Variants in PREPL observed in about 807,000 individuals in gnomAD.
PREPL encodes the protein prolyl endopeptidase like.
In PREPL, 77 loss-of-function variants were observed where a neutral mutation model predicts 70.6. The observed-to-expected ratio is 1.09, with a 90% CI of 0.91 to 1.32. PREPL has a LOEUF of 1.32. PREPL is among the 40% of genes most tolerant of loss of function. The probability of loss-of-function intolerance (pLI) is 0.00; values close to 1 mark genes in which losing one functional copy is unlikely to be tolerated. For missense variants in PREPL, 1,002 were observed against 778.2 expected (o/e 1.29, Z -3.42); for synonymous variants, 315 against 264.8 (o/e 1.19, Z -1.84).
intron 1 of PREPL, among the ~76,000 whole-genome samples, chr2:44,358,093 G>C (rs903757769): frequency 6.6e-6 from 1 of 152,042 alleles, no homozygotes; most frequent in Admixed American, 6.6e-5. Context: ...ACAAAAACTA[G>C]AAAAACTGAG....
rs1674872301 is a variant in PREPL, at chr2:44,338,527, T to C, written c.712A>G (p.Thr238Ala). ...GEPTEFKLMR[T>A]AADTPAIMNW... ...ATAATTGCAGGGGTATCAGCCGCTG[T>C]TCTCATTAGCTACGTGGAACAAAGT... Residue 238 changes from threonine (T) to alanine (A), a missense_variant, in exon 7 of 14, where the codon ACA (threonine) becomes GCA (alanine). Physicochemically the swap from Thr to Ala is moderately conservative, Grantham distance 58 (BLOSUM62 0). Transcript: ENST00000409411. 1.2e-6 allele frequency: 2 copies of C among 1,606,726 alleles called. No homozygotes were observed. Among genetic ancestry groups the C allele is most frequent in the Non-Finnish European group, 1.7e-6 (2 of 1,178,332 alleles).
chr2:44,347,757 G>A (rs1327206931), intron 1 of PREPL, among the ~76,000 whole-genome samples: 2 of 152,180 alleles, frequency 1.3e-5, no homozygotes, highest in Admixed American at 1.3e-4. Flanking sequence ...CTTTGGTAAG[G>A]ATCGCCAACA....
chr2:44,326,675 C>A, intron 10 of PREPL, 37 bp downstream of exon 10: 1 of 1,585,326 alleles, frequency 6.3e-7, no homozygotes, highest in South Asian at 1.1e-5. Flanking sequence ...TTCACACCTC[C>A]CCCATTCTAT....
intron 6 of PREPL, 147 bp downstream of exon 6, chr2:44,339,000 C>T: frequency 1.5e-6 from 2 of 1,303,048 alleles, no homozygotes; most frequent in Middle Eastern, 2.8e-4. Flanking sequence ...GAGGCATTAG[C>T]TCTAAGGGAA....
chr2:44,348,097 C>T (rs1193341346), intron 1 of PREPL, among the ~76,000 whole-genome samples: 1 of 151,862 alleles, frequency 6.6e-6, no homozygotes, highest in Non-Finnish European at 1.5e-5. Context: ...ACTATGTTGC[C>T]CAGGCTGGAC....
chr2:44,338,671 C>G (rs1264861542), intron 6 of PREPL, 135 bp from the exon 7 acceptor site: 1 of 745,946 alleles, frequency 1.3e-6, no homozygotes, highest in African/African-American at 1.8e-5. Flanking sequence ...AACGCTGCAT[C>G]AGGGATAAAG....
At chr2:44,348,915 G>A (rs531076973) in intron 1 of PREPL, among the ~76,000 whole-genome samples, 4 of 152,256 alleles carry the variant, frequency 2.6e-5, no homozygotes, top group East Asian at 1.9e-4. Context: ...TATCATTAGC[G>A]TACACAGCTA....
chr2:44,329,570 A>G (rs563558804), intron 8 of PREPL, among the ~76,000 whole-genome samples: 1 of 152,224 alleles, frequency 6.6e-6, no homozygotes, highest in East Asian at 1.9e-4. Context: ...AATTTTCTAT[A>G]TCCTCTGTAG....
intron 1 of PREPL, chr2:44,360,565 G>A (rs1346193984): frequency 6.6e-6 from 1 of 152,186 alleles, no homozygotes; most frequent in Non-Finnish European, 1.5e-5. Context: ...GGTTTGTCAG[G>A]AGGTAGCTTT....
Position 44,320,155 on chromosome 2 carries a change from T to A in PREPL, c.*1201A>T. ...TATATTAAAAATACTTACAAACAAT[T>A]CTTAGAATCAAACACTTACGTAAAT... On this transcript the variant is annotated 3_prime_UTR_variant, in exon 14 of 14. Coordinates refer to ENST00000409411, the MANE Select transcript of PREPL (RefSeq NM_001171613.2). 6.7e-7 allele frequency: 1 copy of A among 1,487,092 alleles called. No homozygotes were observed. 92.1% of individuals were successfully genotyped at this position (1,487,092 alleles called of 1,614,324 possible). A position where few individuals can be genotyped will look rare whatever the true frequency, so the allele number is the denominator to read the frequency against.
rs1424026668 is a variant in PREPL at position 44,320,738 on chromosome 2, ATTCT to A, written c.*614_*617del. On this transcript the variant is annotated 3_prime_UTR_variant, in exon 14 of 14. Coordinates refer to ENST00000409411, the MANE Select transcript of PREPL (RefSeq NM_001171613.2). ...CATGCTGCTTGGTGAACAATCATTA[ATTCT>A]TCGATATTTCTGTAGCTTGAATGTA... 6 of 923,192 alleles carry A rather than the reference ATTCT, an allele frequency of 6.5e-6. No individual in the cohort carries two copies. Among genetic ancestry groups the A allele is most frequent in the African/African-American group, 1.6e-5 (1 of 61,338 alleles). The allele number at this position is 923,192 out of a possible 1,614,324, so 57.2% of individuals were successfully genotyped here.
rs775282816 is a variant in PREPL, at chr2:44,323,456, T to C, written c.1480-45A>G. ...ACTTATACTTCAAGTAAGAGGTTGGTAAGTGAGTTTCAGAAAAACATTCTA... is the reference window on the plus strand; with the variant it reads ...ACTTATACTTCAAGTAAGAGGTTGGCAAGTGAGTTTCAGAAAAACATTCTA... On this transcript the variant is annotated intron_variant, in intron 10 of 13. Transcript: ENST00000409411. 4 of 1,468,768 alleles carry C rather than the reference T, an allele frequency of 2.7e-6. No homozygotes were observed. In the Admixed American group the frequency reaches 6.7e-5, roughly 24 times the overall value. 91.0% of individuals were successfully genotyped at this position (1,468,768 alleles called of 1,614,324 possible).
chr2:44,329,629 A>T (rs770562337), intron 8 of PREPL, among the ~76,000 whole-genome samples: 1 of 152,196 alleles, frequency 6.6e-6, no homozygotes, highest in African/African-American at 2.4e-5. Context: ...TGTTACTGAT[A>T]ACTACCACAA....
intron 9 of PREPL, 62 bp downstream of exon 9, chr2:44,328,875 T>G: frequency 5.6e-6 from 8 of 1,432,764 alleles, no homozygotes; most frequent in Non-Finnish European, 7.5e-6. Flanking sequence ...TATATATTGT[T>G]ATTCTTGACA....
intron 9 of PREPL, among the ~76,000 whole-genome samples, chr2:44,327,268 C>T (rs116304008): frequency 6.0e-4 from 91 of 152,198 alleles, no homozygotes; most frequent in Non-Finnish European, 1.1e-3. Flanking sequence ...AATCCCCTAC[C>T]GTGGAGAAGA....
In PREPL at chr2:44,359,715, T is replaced by C. The variant is rs766377212; in HGVS notation, c.-49+1665A>G. On this transcript the variant is annotated intron_variant, in intron 1 of 13. Transcript: ENST00000409411. Reference sequence around the variant, plus strand: ...AGAAATAATTTGGTCTTCTGCTGCATGATATCAAAGTCCCTGGTTTATGCT... The same window carrying C: ...AGAAATAATTTGGTCTTCTGCTGCACGATATCAAAGTCCCTGGTTTATGCT... The C allele has an allele frequency of 3.1e-6, 5 of 1,599,772 alleles. No individual in the cohort carries two copies. The highest frequency in any genetic ancestry group is 1.1e-5 in the South Asian group (1 of 90,728).
At chr2:44,350,527 G>A (rs72875330) in intron 1 of PREPL, among the ~76,000 whole-genome samples, 4,171 of 152,180 alleles carry the variant, frequency 0.027, 173 homozygotes, top group African/African-American at 0.094. Context: ...GCATATACAT[G>A]GTATTTAGCA....
At chr2:44,324,725 C>A (rs998340914) in intron 10 of PREPL, among the ~76,000 whole-genome samples, 1 of 151,726 alleles carries the variant, frequency 6.6e-6, no homozygotes, top group Non-Finnish European at 1.5e-5. Context: ...AAAACAACAA[C>A]AAACCACAAA....
intron 7 of PREPL, among the ~76,000 whole-genome samples, chr2:44,334,588 C>T (rs547935679): frequency 1.3e-5 from 2 of 152,294 alleles, no homozygotes; most frequent in African/African-American, 4.8e-5. Context: ...CTCTTGCACC[C>T]AGGCTGGAAT....
Sources: allele counts gnomAD v4.1 joint callset (sites outside exome capture counted in the v4.1 genomes callset), GRCh38; gene constraint gnomAD v4.1.1; transcripts MANE v1.5; gene names NCBI Gene and HGNC (gene_info 2026-07-23, HGNC 2026-07-21).